The following CNTN4 variants were observed in gnomAD, a reference collection of about 807,000 sequenced individuals.
CNTN4 encodes the protein contactin 4.
CNTN4 carries 77 observed loss-of-function variants against 122.5 expected under a neutral mutation model. That is an observed-to-expected ratio of 0.63 (90% CI 0.52 to 0.76). The LOEUF (loss-of-function observed/expected upper bound fraction) is 0.76, where lower values mean the gene tolerates loss of function less well. Among genes scored for constraint, CNTN4 ranks in the 30% least tolerant of loss-of-function variants. The probability of loss-of-function intolerance (pLI) is 0.00; values close to 1 mark genes in which losing one functional copy is unlikely to be tolerated. For synonymous variants in CNTN4, 512 were observed against 447.0 expected, an observed-to-expected ratio of 1.15 and a Z score of -1.83; for missense variants, 1,256 against 1,259.1, an observed-to-expected ratio of 1.00 and a Z score of 0.04.
chr3:2,391,358 T>C (rs905301032), intron 3 of CNTN4, among the ~76,000 whole-genome samples: 13 of 152,192 alleles, frequency 8.5e-5, no homozygotes, highest in Non-Finnish European at 1.9e-4. Context: ...ATGACTATTT[T>C]TACAACTGTA....
rs187773587 is a variant in CNTN4 at position 2,705,202 on chromosome 3, A to G, written c.56-31013A>G. Among the ~76,000 whole-genome samples the G allele has an allele frequency of 6.0e-3, 899 of 150,770 alleles. 19 individuals carry two copies. Among genetic ancestry groups the G allele is most frequent in the Admixed American group, 0.038 (566 of 15,048 alleles). ...GCTAACATGGTGAAACCCCGTCTCT[A>G]CTAAAACTACAAAAAATTAGCTGGG... On this transcript the variant is annotated intron_variant, in intron 4 of 24. Transcript: ENST00000418658.
intron 13 of CNTN4, among the ~76,000 whole-genome samples, chr3:2,949,055 C>A (rs2094708918): frequency 6.6e-6 from 1 of 152,156 alleles, no homozygotes. Flanking sequence ...ACCATATCTG[C>A]TGCTAGCTAG....
intron 7 of CNTN4, among the ~76,000 whole-genome samples, chr3:2,843,739 C>T (rs866641861): frequency 2.0e-5 from 3 of 152,266 alleles, no homozygotes; most frequent in Middle Eastern, 3.4e-3. Flanking sequence ...CCTGAGGCCT[C>T]CCCAGAAGCG....
At chr3:2,979,801 G>C (rs911971255) in intron 13 of CNTN4, among the ~76,000 whole-genome samples, 4 of 152,120 alleles carry the variant, frequency 2.6e-5, no homozygotes, top group Non-Finnish European at 5.9e-5. Context: ...TTTCTAAGTT[G>C]TATTCTGAAG....
chr3:2,499,880 G>C (rs1462246229), intron 3 of CNTN4, among the ~76,000 whole-genome samples: 1 of 151,840 alleles, frequency 6.6e-6, no homozygotes, highest in African/African-American at 2.4e-5. Flanking sequence ...ATGTCTCTCT[G>C]TTTACTTAGT....
intron 2 of CNTN4, among the ~76,000 whole-genome samples, chr3:2,109,400 T>A (rs4468957): frequency 0.99 from 151,433 of 152,268 alleles, 75,303 homozygotes; most frequent in East Asian, 1. Context: ...AAAAATCATA[T>A]GATTTGTTGT....
intron 4 of CNTN4, among the ~76,000 whole-genome samples, chr3:2,653,921 C>T (rs1187971596): frequency 6.6e-6 from 1 of 152,130 alleles, no homozygotes; most frequent in Non-Finnish European, 1.5e-5. Context: ...TAAGTGGTTC[C>T]ATAAGGCCAA....
chr3:2,270,298 C>T (rs1315486651), intron 2 of CNTN4, among the ~76,000 whole-genome samples: 2 of 152,020 alleles, frequency 1.3e-5, no homozygotes, highest in Admixed American at 1.3e-4. Context: ...GACATATATA[C>T]AGGTTTGTTA....
intron 6 of CNTN4, among the ~76,000 whole-genome samples, chr3:2,812,572 G>C (rs200407963): frequency 9.8e-6 from 1 of 102,468 alleles, no homozygotes; most frequent in South Asian, 2.9e-4. Flanking sequence ...GTTTTGTTTT[G>C]TTTTTTTGTT....
rs371458919 is a variant in CNTN4 at position 3,037,504 on chromosome 3, G to A, written c.2092+176G>A. 37 of 824,028 alleles carry A rather than the reference G, an allele frequency of 4.5e-5. No individual in the cohort carries two copies. In the African/African-American group the frequency reaches 5.1e-4, roughly 11 times the overall value. The allele number at this position is 824,028 out of a possible 1,614,324, so 51.0% of individuals were successfully genotyped here. ...GGAGAAGCCCAGCTGAACACGCAAC[G>A]GGTTTCAATCAAGAGTTGTTTTCTT... On this transcript the variant is annotated intron_variant, in intron 18 of 24. Transcript: ENST00000418658.
intron 13 of CNTN4, among the ~76,000 whole-genome samples, chr3:2,975,748 A>T (rs1419291147): frequency 6.6e-6 from 1 of 152,180 alleles, no homozygotes; most frequent in East Asian, 1.9e-4. Flanking sequence ...TGAGTGCTTT[A>T]TATATTTTAA....
intron 4 of CNTN4, among the ~76,000 whole-genome samples, chr3:2,731,813 A>G (rs892027954): frequency 6.6e-6 from 1 of 152,246 alleles, no homozygotes; most frequent in East Asian, 1.9e-4. Flanking sequence ...TACAGTATAA[A>G]TGCTATGTAT....
chr3:2,373,220 A>G (rs1419544018), intron 3 of CNTN4, among the ~76,000 whole-genome samples: 1 of 152,188 alleles, frequency 6.6e-6, no homozygotes, highest in Non-Finnish European at 1.5e-5. Flanking sequence ...TCTTTAGTTA[A>G]CCTCAGAAAA....
chr3:2,379,471 C>T (rs867905217), intron 3 of CNTN4, among the ~76,000 whole-genome samples: 1 of 152,080 alleles, frequency 6.6e-6, no homozygotes, highest in Non-Finnish European at 1.5e-5. Context: ...ACCTCAATAT[C>T]CTAATGTAAA....
At chr3:2,828,099 C>G (rs1332510181) in intron 7 of CNTN4, among the ~76,000 whole-genome samples, 2 of 151,938 alleles carry the variant, frequency 1.3e-5, no homozygotes, top group Non-Finnish European at 2.9e-5. Context: ...CTCATTCTCT[C>G]TCTCTCTCTC....
Position 3,043,686 on chromosome 3 carries a change from G to A in CNTN4, c.2793G>A (p.Ser931=), listed in dbSNP as rs750748678. 6.2e-5 allele frequency: 100 copies of A among 1,611,522 alleles called. No individual in the cohort carries two copies. In the East Asian group the frequency reaches 1.2e-3, roughly 20 times the overall value. The part of the protein sequence containing the change: ...WDQVKALDNE[S]EVKGYKVLYR... ...AAGTGAAGGCCCTGGATAATGAGTCGGAAGTAAAAGGATACAAAGTAGGTA... is the reference window on the plus strand; with the variant it reads ...AAGTGAAGGCCCTGGATAATGAGTCAGAAGTAAAAGGATACAAAGTAGGTA... Residue 931 remains serine (S), a synonymous_variant, in exon 23 of 25, where the codon TCG becomes TCA. Coordinates refer to ENST00000418658, the MANE Select transcript of CNTN4 (RefSeq NM_175607.3).
intron 3 of CNTN4, among the ~76,000 whole-genome samples, chr3:2,371,288 T>C (rs1240783935): frequency 4.6e-5 from 7 of 152,152 alleles, no homozygotes; most frequent in Non-Finnish European, 1.5e-5. Context: ...GCCATTCAAC[T>C]CTTTCTTTTG....
At position 2,326,485 on chromosome 3, in the gene CNTN4, T is replaced by TACACACAC. The variant is rs10557917; in HGVS notation, c.-144-12657_-144-12650dup. Among the ~76,000 whole-genome samples the TACACACAC allele has an allele frequency of 1.8e-3, 230 of 126,086 alleles. 1 individual carries two copies. Among genetic ancestry groups the TACACACAC allele is most frequent in the African/African-American group, 5.6e-3 (205 of 36,856 alleles). The allele number at this position is 126,086 out of a possible 152,430, so 82.7% of individuals were successfully genotyped here. A position where few individuals can be genotyped will look rare whatever the true frequency, so the allele number is the denominator to read the frequency against. On this transcript the variant is annotated intron_variant, in intron 2 of 24. Transcript: ENST00000418658. The stretch of plus-strand genomic sequence containing the variant: ...GTGAGCCAATTCCTTCTAATAAATT[T>TACACACAC]ACACACACACACACACACACACACA...
intron 6 of CNTN4, among the ~76,000 whole-genome samples, 167 bp downstream of exon 6, chr3:2,745,864 G>C (rs914912841): frequency 6.6e-6 from 1 of 152,146 alleles, no homozygotes; most frequent in African/African-American, 2.4e-5. Flanking sequence ...AGGATAAACT[G>C]TAAATCTAAG....
Sources: allele counts gnomAD v4.1 joint callset (sites outside exome capture counted in the v4.1 genomes callset), GRCh38; gene constraint gnomAD v4.1.1; transcripts MANE v1.5; gene names NCBI Gene and HGNC (gene_info 2026-07-23, HGNC 2026-07-21).